The following CNTN4 variants were observed in gnomAD, a reference collection of about 807,000 sequenced individuals.
CNTN4 encodes the protein contactin 4.
A neutral mutation model predicts 122.5 loss-of-function variants in CNTN4; 77 were observed. The observed-to-expected ratio is 0.63, with a 90% CI of 0.52 to 0.76. The LOEUF (loss-of-function observed/expected upper bound fraction) is 0.76, where lower values mean the gene tolerates loss of function less well. Among genes scored for constraint, CNTN4 ranks in the 30% least tolerant of loss-of-function variants. CNTN4 has a pLI of 0.00. For missense variants in CNTN4, 1,256 were observed against 1,259.1 expected, an observed-to-expected ratio of 1.00 and a Z score of 0.04; for synonymous variants, 512 against 447.0, an observed-to-expected ratio of 1.15 and a Z score of -1.83.
At chr3:2,392,730 G>T (rs1171377987) in intron 3 of CNTN4, among the ~76,000 whole-genome samples, 1 of 152,084 alleles carries the variant, frequency 6.6e-6, no homozygotes, top group African/African-American at 2.4e-5. Flanking sequence ...GAACACAAAA[G>T]CTCATTCCTC....
chr3:2,738,183 G>T (rs759609272), intron 5 of CNTN4, among the ~76,000 whole-genome samples: 3 of 152,154 alleles, frequency 2.0e-5, no homozygotes, highest in Non-Finnish European at 4.4e-5. Context: ...AAATAAAAAT[G>T]AAGCCACATC....
chr3:2,496,358 G>A (rs185158487), intron 3 of CNTN4, among the ~76,000 whole-genome samples: 2 of 152,188 alleles, frequency 1.3e-5, no homozygotes, highest in Admixed American at 1.3e-4. Flanking sequence ...TAGGATTTTA[G>A]GGAGCTTAAA....
chr3:2,553,709 A>G (rs13100234), intron 3 of CNTN4, among the ~76,000 whole-genome samples: 11,174 of 152,244 alleles, frequency 0.073, 560 homozygotes, highest in Middle Eastern at 0.12. Context: ...ACTGGGTTTC[A>G]AACTAACTTT....
At chr3:2,388,701 C>T (rs1401519275) in intron 3 of CNTN4, among the ~76,000 whole-genome samples, 2 of 151,956 alleles carry the variant, frequency 1.3e-5, no homozygotes, top group Non-Finnish European at 2.9e-5. Context: ...AGAAATTAGC[C>T]TGGGATGGTG....
chr3:2,323,162 T>G (rs1195733339), intron 2 of CNTN4, among the ~76,000 whole-genome samples: 1 of 152,156 alleles, frequency 6.6e-6, no homozygotes, highest in Non-Finnish European at 1.5e-5. Context: ...TCTCTTCCAT[T>G]TTAATTTCAT....
rs545211568 is a variant in CNTN4 at position 2,306,097 on chromosome 3, G to C, written c.-144-33081G>C. ...TATAAATAATGTTGCTTTGAATATT[G>C]TGTACAAGGTTTTGTGTGGAATATG... On this transcript the variant is annotated intron_variant, in intron 2 of 24. Transcript: ENST00000418658. Among the ~76,000 whole-genome samples, 40 of 151,992 alleles carry C rather than the reference G, an allele frequency of 2.6e-4. 1 individual carries two copies. The South Asian group carries it at 7.3e-3, about 28-fold the overall frequency.
intron 4 of CNTN4, among the ~76,000 whole-genome samples, chr3:2,726,144 C>CAAAG (rs1282174830): frequency 1.3e-5 from 2 of 152,132 alleles, no homozygotes; most frequent in Non-Finnish European, 2.9e-5. Context: ...TAGGTTCTCT[C>CAAAG]TCTCTATGTG....
intron 3 of CNTN4, among the ~76,000 whole-genome samples, chr3:2,549,793 C>G (rs1302444016): frequency 6.6e-6 from 1 of 152,050 alleles, no homozygotes; most frequent in Admixed American, 6.6e-5. Context: ...CCTCTTTGTA[C>G]CTCTGGTAGA....
intron 2 of CNTN4, among the ~76,000 whole-genome samples, chr3:2,303,667 A>G (rs1346442938): frequency 6.6e-6 from 1 of 152,158 alleles, no homozygotes; most frequent in African/African-American, 2.4e-5. Flanking sequence ...GGATTAAATT[A>G]CTACTATAGC....
At chr3:2,121,867 AC>A (rs74310071) in intron 2 of CNTN4, among the ~76,000 whole-genome samples, 8,527 of 151,914 alleles carry the variant, frequency 0.056, 434 homozygotes, top group East Asian at 0.24. Flanking sequence ...TTGCCATTGT[AC>A]CCCCTTTGTA....
At chr3:2,129,015 C>T (rs2034316388) in intron 2 of CNTN4, among the ~76,000 whole-genome samples, 2 of 152,088 alleles carry the variant, frequency 1.3e-5, no homozygotes, top group Admixed American at 1.3e-4. Context: ...GGAGGAACTA[C>T]AGACTAACAT....
chr3:2,501,106 A>G (rs552034491), intron 3 of CNTN4, among the ~76,000 whole-genome samples: 5 of 152,224 alleles, frequency 3.3e-5, no homozygotes, highest in Non-Finnish European at 7.4e-5. Flanking sequence ...TTGTCATTGC[A>G]TGGTGTATTT....
chr3:3,040,876 G>A (rs181231725), intron 20 of CNTN4, among the ~76,000 whole-genome samples: 82 of 151,368 alleles, frequency 5.4e-4, no homozygotes, highest in Non-Finnish European at 7.7e-4. Flanking sequence ...GCGGTGAGCC[G>A]AGATCGCACC....
chr3:2,856,789 G>A (rs143261472), intron 7 of CNTN4, among the ~76,000 whole-genome samples: 399 of 152,296 alleles, frequency 2.6e-3, no homozygotes, highest in Non-Finnish European at 4.4e-3. Flanking sequence ...GTAAAGAGTA[G>A]AAAGCTAAAA....
intron 2 of CNTN4, among the ~76,000 whole-genome samples, chr3:2,292,287 G>A (rs1013945073): frequency 1.3e-5 from 2 of 152,098 alleles, no homozygotes; most frequent in African/African-American, 4.8e-5. Flanking sequence ...AAGGGCATTG[G>A]CTTTTCTTCT....
chr3:3,048,914 A>G (rs1007950511), intron 23 of CNTN4, among the ~76,000 whole-genome samples: 2 of 152,132 alleles, frequency 1.3e-5, no homozygotes, highest in African/African-American at 4.8e-5. Context: ...ACAAATCCTT[A>G]AGCTACTTTA....
At chr3:2,107,462 C>G (rs752021674) in intron 2 of CNTN4, among the ~76,000 whole-genome samples, 3 of 152,060 alleles carry the variant, frequency 2.0e-5, no homozygotes, top group African/African-American at 7.2e-5. Flanking sequence ...GGAGGAAAAT[C>G]CCCTTATAAA....
intron 4 of CNTN4, among the ~76,000 whole-genome samples, chr3:2,646,443 A>G (rs567818043): frequency 4.8e-4 from 73 of 152,288 alleles, no homozygotes; most frequent in African/African-American, 1.7e-3. Context: ...AATAAAAAGT[A>G]TTTTTACCTC....
chr3:2,323,048 A>C (rs1164825993), intron 2 of CNTN4, among the ~76,000 whole-genome samples: 1 of 152,178 alleles, frequency 6.6e-6, no homozygotes, highest in Non-Finnish European at 1.5e-5. Flanking sequence ...ACAGAGCCTC[A>C]GCTTGATAAG....
Sources: allele counts gnomAD v4.1 joint callset (sites outside exome capture counted in the v4.1 genomes callset), GRCh38; gene constraint gnomAD v4.1.1; transcripts MANE v1.5; gene names NCBI Gene and HGNC (gene_info 2026-07-23, HGNC 2026-07-21).